Variants in PRR5L observed in about 807,000 individuals in gnomAD.
The protein encoded by PRR5L is proline rich 5 like, also known as proline-rich protein 5-like.
Under a neutral mutation model 36.4 loss-of-function variants are expected in PRR5L, and 21 were observed. The ratio of observed to expected loss-of-function variants is 0.58; its 90% confidence interval spans 0.41 to 0.83. PRR5L has a LOEUF of 0.83. PRR5L is among the 40% of genes least tolerant of loss of function. The pLI is 0.00. For synonymous variants in PRR5L, 188 were observed against 197.0 expected, an observed-to-expected ratio of 0.95 and a Z score of 0.38; for missense variants, 381 against 473.3, an observed-to-expected ratio of 0.80 and a Z score of 1.81.
At chr11:36,372,946 A>G (rs1042760496) in intron 1 of PRR5L, among the ~76,000 whole-genome samples, 1 of 151,620 alleles carries the variant, frequency 6.6e-6, no homozygotes, top group African/African-American at 2.4e-5. Context: ...AGATAAAGTC[A>G]CAAACTTCAG....
chr11:36,329,474 G>A (rs1856697357), intron 1 of PRR5L: 1 of 152,148 alleles, frequency 6.6e-6, no homozygotes, highest in Non-Finnish European at 1.5e-5. Flanking sequence ...GAATAGGACT[G>A]GAATCTGATA....
chr11:36,313,191 G>A lies in PRR5L; in HGVS notation c.-126+16753G>A, dbSNP rs190663371. Among the ~76,000 whole-genome samples the A allele has an allele frequency of 1.3e-3, 204 of 152,296 alleles. 1 individual carries two copies. The highest frequency in any genetic ancestry group is 4.7e-3 in the African/African-American group (195 of 41,556). On this transcript the variant is annotated intron_variant, in intron 1 of 8. Coordinates refer to ENST00000530639, the MANE Select transcript of PRR5L (RefSeq NM_001160167.2). ...CCGCCACCTTCAGCAGCACCAAATT[G>A]TTAGTTCTCAGTCTTCTGTCTCACA... is the stretch of plus-strand genomic sequence containing the variant.
intron 1 of PRR5L, among the ~76,000 whole-genome samples, chr11:36,330,431 TAACTC>T (rs1205271176): frequency 5.9e-5 from 9 of 152,180 alleles, no homozygotes; most frequent in Non-Finnish European, 7.4e-5. Flanking sequence ...CTGGAAATCT[TAACTC>T]AGTCTAGTGG....
At chr11:36,374,828 CCA>C (rs1857236974) in intron 1 of PRR5L, among the ~76,000 whole-genome samples, 1 of 152,152 alleles carries the variant, frequency 6.6e-6, no homozygotes, top group Admixed American at 6.5e-5. Context: ...TGGCTAATAA[CCA>C]GAGTATGGGA....
intron 6 of PRR5L, among the ~76,000 whole-genome samples, chr11:36,441,974 C>T (rs1218493545): frequency 6.6e-6 from 1 of 152,106 alleles, no homozygotes; most frequent in Non-Finnish European, 1.5e-5. Flanking sequence ...ACTAGGCATC[C>T]CCTGAGCGTG....
At chr11:36,431,494 T>A (rs1858493746) in intron 4 of PRR5L, among the ~76,000 whole-genome samples, 1 of 152,152 alleles carries the variant, frequency 6.6e-6, no homozygotes, top group Non-Finnish European at 1.5e-5. Flanking sequence ...CTGCATAGTT[T>A]CCCATTGCCT....
At chr11:36,351,818 T>A (rs1254725440) in intron 1 of PRR5L, among the ~76,000 whole-genome samples, 4 of 142,142 alleles carry the variant, frequency 2.8e-5, no homozygotes, top group Non-Finnish European at 6.0e-5. Flanking sequence ...CTTTATCTAC[T>A]TGTTGATTGA....
intron 8 of PRR5L, 118 bp from the exon 9 acceptor site, chr11:36,462,224 A>T: frequency 2.1e-6 from 2 of 946,310 alleles, no homozygotes; most frequent in South Asian, 2.4e-5. Context: ...GCAGGGCTGC[A>T]CCTAAGAGCT....
At chr11:36,384,737 A>G (rs969313424) in intron 1 of PRR5L, among the ~76,000 whole-genome samples, 4 of 150,782 alleles carry the variant, frequency 2.7e-5, no homozygotes, top group African/African-American at 9.8e-5. Context: ...CAGTGGCATG[A>G]TTGTAGCTCA....
chr11:36,353,753 G>C (rs1856998838), intron 1 of PRR5L, among the ~76,000 whole-genome samples: 1 of 152,180 alleles, frequency 6.6e-6, no homozygotes, highest in Non-Finnish European at 1.5e-5. Flanking sequence ...CAGCTGATCT[G>C]ACAGGAGGTG....
chr11:36,389,016 T>C (rs2133539877), intron 1 of PRR5L, among the ~76,000 whole-genome samples: 1 of 152,342 alleles, frequency 6.6e-6, no homozygotes, highest in Non-Finnish European at 1.5e-5. Context: ...GGCTCTTTCT[T>C]AGAGCTGCAT....
chr11:36,327,372 A>G (rs1052359883), intron 1 of PRR5L, among the ~76,000 whole-genome samples: 1 of 152,224 alleles, frequency 6.6e-6, no homozygotes, highest in Non-Finnish European at 1.5e-5. Flanking sequence ...ACATTCAAAC[A>G]GAGATCCTAA....
intron 1 of PRR5L, among the ~76,000 whole-genome samples, chr11:36,373,894 T>C (rs958246981): frequency 6.6e-6 from 1 of 152,220 alleles, no homozygotes; most frequent in African/African-American, 2.4e-5. Flanking sequence ...TGTCATTTGC[T>C]GAGTACATAC....
intron 4 of PRR5L, among the ~76,000 whole-genome samples, chr11:36,423,909 TG>T (rs1858325289): frequency 6.6e-6 from 1 of 152,276 alleles, no homozygotes; most frequent in East Asian, 1.9e-4. Context: ...GGAGCCAGAC[TG>T]GGGGCTTCGA....
chr11:36,311,776 T>G (rs1293765111), intron 1 of PRR5L, among the ~76,000 whole-genome samples: 1 of 152,216 alleles, frequency 6.6e-6, no homozygotes, highest in African/African-American at 2.4e-5. Flanking sequence ...TGTCTATCTA[T>G]CTTTCTCCTC....
chr11:36,334,646 C>T (rs938968366), intron 1 of PRR5L, among the ~76,000 whole-genome samples: 6 of 152,290 alleles, frequency 3.9e-5, no homozygotes, highest in African/African-American at 1.4e-4. Context: ...GTCAGGCCTC[C>T]TTTTTGTTTT....
chr11:36,464,979 GAT>G lies in PRR5L; in HGVS notation c.*2244_*2245del, dbSNP rs1312958725. The G allele has an allele frequency of 1.3e-5, 2 of 152,110 alleles. No homozygotes were observed. The highest frequency in any genetic ancestry group is 2.9e-5 in the Non-Finnish European group (2 of 68,014). 9.4% of individuals were successfully genotyped at this position (152,110 alleles called of 1,614,324 possible). A position where few individuals can be genotyped will look rare whatever the true frequency, so the allele number is the denominator to read the frequency against. On this transcript the variant is annotated 3_prime_UTR_variant, in exon 9 of 9. Coordinates refer to ENST00000530639, the MANE Select transcript of PRR5L (RefSeq NM_001160167.2). ...GACTGTACCTATAAAAAATTTTATT[GAT>G]GTTTATGGTCATGTTAGCTATCAGA...
intron 1 of PRR5L, among the ~76,000 whole-genome samples, chr11:36,345,386 C>A (rs1856855010): frequency 6.6e-6 from 1 of 152,054 alleles, no homozygotes; most frequent in African/African-American, 2.4e-5. Context: ...CAGTGTGTAA[C>A]CCGCCGTAGG....
At chr11:36,384,070 G>A (rs1296519727) in intron 1 of PRR5L, among the ~76,000 whole-genome samples, 2 of 152,138 alleles carry the variant, frequency 1.3e-5, no homozygotes, top group African/African-American at 4.8e-5. Flanking sequence ...CTAGATATTT[G>A]TTGAAATGTG....
Sources: gnomAD v4.1 joint callset for allele counts (sites outside exome capture counted in the v4.1 genomes callset) on GRCh38, gnomAD v4.1.1 for gene constraint, MANE v1.5 for transcripts, NCBI Gene and HGNC (gene_info 2026-07-23, HGNC 2026-07-21) for gene names.